The following CTNNA2 variants were observed in gnomAD, a reference collection of about 807,000 sequenced individuals.
CTNNA2 encodes the protein catenin alpha 2, also known as catenin alpha-2.
A neutral mutation model predicts 101.0 loss-of-function variants in CTNNA2; 42 were observed. The observed-to-expected ratio is 0.42, with a 90% CI of 0.32 to 0.54. The LOEUF (loss-of-function observed/expected upper bound fraction) is 0.54, where lower values mean the gene tolerates loss of function less well. CTNNA2 is among the 20% of genes least tolerant of loss of function. CTNNA2 has a pLI of 0.14. For synonymous variants in CTNNA2, 450 were observed against 456.4 expected, an observed-to-expected ratio of 0.99 and a Z score of 0.18; for missense variants, 871 against 1,223.1, an observed-to-expected ratio of 0.71 and a Z score of 4.29.
At chr2:80,463,009 T>C (rs542540324) in intron 9 of CTNNA2, among the ~76,000 whole-genome samples, 2 of 152,296 alleles carry the variant, frequency 1.3e-5, no homozygotes, top group Admixed American at 1.3e-4. Context: ...ATTCTATGGT[T>C]CCTGTTTCCA....
intron 7 of CTNNA2, chr2:80,304,032 T>C: frequency 2.1e-6 from 1 of 482,040 alleles, no homozygotes; most frequent in Non-Finnish European, 3.5e-6. Context: ...CATAGAAAGT[T>C]CACAGCCACG....
rs1682450509 is a variant in CTNNA2, at chr2:79,869,834, G to T, written c.484G>T (p.Ala162Ser). 6.2e-7 allele frequency: 1 copy of T among 1,613,872 alleles called. No homozygotes were observed. Among genetic ancestry groups the T allele is most frequent in the African/African-American group, 1.3e-5 (1 of 74,912 alleles). Residue 162 changes from alanine to serine, a missense_variant, in exon 5 of 19, where the codon GCT (alanine) becomes TCT (serine). By Grantham distance (99) the Ala-to-Ser change is moderately conservative (BLOSUM62 1). Around this residue, in one of 5 missense-constraint regions of CTNNA2, gnomAD observed 647 missense variants for 831.5 expected, o/e 0.78. Transcript: ENST00000402739. The part of the protein sequence containing the change: ...HLKIVEEALE[A>S]VKNATNEQDL... ...ACTGCAGGTGGAAGAGGCCCTGGAAGCTGTCAAAAATGCTACAAATGAGCA... is the reference window on the plus strand; with the variant it reads ...ACTGCAGGTGGAAGAGGCCCTGGAATCTGTCAAAAATGCTACAAATGAGCA...
At chr2:80,202,282 T>G (rs900489567) in intron 7 of CTNNA2, among the ~76,000 whole-genome samples, 2 of 152,190 alleles carry the variant, frequency 1.3e-5, no homozygotes, top group Non-Finnish European at 2.9e-5. Context: ...TCCAGGACAC[T>G]GAAGCATCAA....
intron 7 of CTNNA2, among the ~76,000 whole-genome samples, chr2:80,339,493 A>G (rs1485278836): frequency 1.3e-5 from 2 of 152,232 alleles, no homozygotes; most frequent in Non-Finnish European, 1.5e-5. Flanking sequence ...TACTTTCTAT[A>G]TAAGGTGAAT....
intron 7 of CTNNA2, among the ~76,000 whole-genome samples, chr2:80,097,441 T>C (rs1700226624): frequency 6.6e-6 from 1 of 152,186 alleles, no homozygotes; most frequent in African/African-American, 2.4e-5. Context: ...CCTTAATATT[T>C]TTTCCTTCAT....
chr2:80,285,709 C>T (rs987013636), intron 7 of CTNNA2, among the ~76,000 whole-genome samples: 9 of 152,156 alleles, frequency 5.9e-5, no homozygotes, highest in Non-Finnish European at 1.0e-4. Context: ...AGATGTTCAT[C>T]AGATAATCAA....
At chr2:79,770,251 G>C (rs903971967) in intron 3 of CTNNA2, among the ~76,000 whole-genome samples, 2 of 152,198 alleles carry the variant, frequency 1.3e-5, no homozygotes, top group African/African-American at 4.8e-5. Context: ...TTTTGAGTCT[G>C]AGATTTTTGA....
intron 2 of CTNNA2, among the ~76,000 whole-genome samples, chr2:79,291,277 A>G (rs1001029642): frequency 2.6e-5 from 4 of 152,248 alleles, no homozygotes; most frequent in Non-Finnish European, 5.9e-5. Flanking sequence ...TTTTAAAGCA[A>G]AGTACAGCTG....
chr2:80,312,249 C>T (rs965905911), intron 7 of CTNNA2, among the ~76,000 whole-genome samples: 1 of 152,252 alleles, frequency 6.6e-6, no homozygotes, highest in Non-Finnish European at 1.5e-5. Context: ...ACGCAGGTAG[C>T]CCCTACTGCT....
chr2:80,019,787 G>A (rs551009440), intron 7 of CTNNA2, among the ~76,000 whole-genome samples: 3 of 152,220 alleles, frequency 2.0e-5, no homozygotes, highest in Non-Finnish European at 2.9e-5. Flanking sequence ...CCACTGAATC[G>A]AAGACTGTTT....
In CTNNA2 at chr2:79,535,999, A is replaced by G. The variant is rs144321511; in HGVS notation, c.-6+22792A>G. ...GCTCTTTTCTGATTTTGACATTTATAAGTTAACTGGATGGTACCCAAATTC... is the reference window on the plus strand; with the variant it reads ...GCTCTTTTCTGATTTTGACATTTATGAGTTAACTGGATGGTACCCAAATTC... On this transcript the variant is annotated intron_variant, in intron 1 of 18. Coordinates refer to ENST00000402739, the MANE Select transcript of CTNNA2 (RefSeq NM_001282597.3). Among the ~76,000 whole-genome samples the G allele has an allele frequency of 3.3e-3, 510 of 152,296 alleles. 2 individuals are homozygous for G. The highest frequency in any genetic ancestry group is 0.011 in the African/African-American group (472 of 41,560).
intron 7 of CTNNA2, among the ~76,000 whole-genome samples, chr2:80,336,744 A>G (rs1045008845): frequency 1.2e-4 from 19 of 152,342 alleles, no homozygotes; most frequent in African/African-American, 3.6e-4. Context: ...TTTCACAGGA[A>G]ACAGATTTGT....
chr2:80,039,023 A>G (rs1448179280), intron 7 of CTNNA2, among the ~76,000 whole-genome samples: 2 of 152,172 alleles, frequency 1.3e-5, no homozygotes, highest in Non-Finnish European at 2.9e-5. Context: ...AGCATCAGCA[A>G]TAATGGATAA....
At chr2:80,267,514 A>G (rs933906888) in intron 7 of CTNNA2, among the ~76,000 whole-genome samples, 2 of 152,158 alleles carry the variant, frequency 1.3e-5, no homozygotes, top group Non-Finnish European at 2.9e-5. Flanking sequence ...TGAGGCAAAC[A>G]TACTTCCCCT....
rs143489746 is a variant in CTNNA2 at position 79,504,426 on chromosome 2, A to T, written c.-134-628A>T. On this transcript the variant is annotated intron_variant, in intron 4 of 21. Coordinates refer to the CTNNA2 transcript ENST00000466387. ...TGCCTTAGCTTCCCAAGTAGCTGGG[A>T]CTACAGGCACATGCTACCACACACG... is the stretch of plus-strand genomic sequence containing the variant. Among the ~76,000 whole-genome samples the T allele has an allele frequency of 0.011, 1,662 of 152,130 alleles. 90 individuals are homozygous for T. The East Asian group carries it at 0.14, about 13-fold the overall frequency.
intron 2 of CTNNA2, among the ~76,000 whole-genome samples, chr2:79,683,979 G>A (rs1683761875): frequency 1.3e-5 from 2 of 152,130 alleles, no homozygotes; most frequent in African/African-American, 2.4e-5. Context: ...TCGTAGCACT[G>A]TGCCCTATTG....
At chr2:80,357,773 C>G (rs751762786) in intron 7 of CTNNA2, among the ~76,000 whole-genome samples, 18 of 152,074 alleles carry the variant, frequency 1.2e-4, no homozygotes, top group Non-Finnish European at 2.1e-4. Flanking sequence ...AAATTTATAA[C>G]CTATTTGATT....
At chr2:79,273,582 ACAT>A (rs1240055276) in intron 2 of CTNNA2, among the ~76,000 whole-genome samples, 1 of 152,112 alleles carries the variant, frequency 6.6e-6, no homozygotes, top group African/African-American at 2.4e-5. Flanking sequence ...GGTTATAGTA[ACAT>A]CATTATCAAA....
intron 7 of CTNNA2, among the ~76,000 whole-genome samples, chr2:80,145,413 A>G (rs1263841579): frequency 1.3e-5 from 2 of 152,162 alleles, no homozygotes; most frequent in Non-Finnish European, 1.5e-5. Context: ...AGCTTTCTCC[A>G]TGACCTCCAG....
Sources: gnomAD v4.1 joint callset for allele counts (sites outside exome capture counted in the v4.1 genomes callset) on GRCh38, gnomAD v4.1.1 for gene constraint, gnomAD v4.1.1 regional missense constraint, MANE v1.5 for transcripts, NCBI Gene and HGNC (gene_info 2026-07-23, HGNC 2026-07-21) for gene names.